Variants in FYCO1 observed in about 807,000 individuals in gnomAD.
FYCO1 encodes the protein FYVE and coiled-coil domain autophagy adaptor 1, also known as FYVE and coiled-coil domain-containing protein 1.
FYCO1 carries 122 observed loss-of-function variants against 165.1 expected under a neutral mutation model. The ratio of observed to expected loss-of-function variants is 0.74; its 90% CI spans 0.64 to 0.86. The LOEUF is 0.86. Among genes scored for constraint, FYCO1 ranks in the 40% least tolerant of loss-of-function variants. The pLI is 0.00. For synonymous variants in FYCO1, 648 were observed against 742.5 expected, an observed-to-expected ratio of 0.87 and a Z score of 2.07; for missense variants, 1,702 against 1,810.3, an observed-to-expected ratio of 0.94 and a Z score of 1.09.
rs747333799 is a variant in FYCO1 at position 45,936,468 on chromosome 3, C to T, written c.4020G>A (p.Leu1340=). The T allele has an allele frequency of 1.9e-6, 3 of 1,613,746 alleles. No individual in the cohort carries two copies. The highest frequency in any genetic ancestry group is 1.7e-6 in the Non-Finnish European group (2 of 1,179,606). The change falls in exon 15 of 18, where the codon CTG becomes CTA. Residue 1340 remains leucine (L), a synonymous_variant. Transcript: ENST00000296137. ...CTTACATCAGTTCTCCAGACTTCAG[C>T]AGGCAGATTTCCGAATCCTGCCCCA... ...MPVGQDSEIC[L]LKSGELMIKV...
intron 1 of FYCO1, among the ~76,000 whole-genome samples, chr3:45,989,989 T>C (rs1463433488): frequency 6.6e-6 from 1 of 152,138 alleles, no homozygotes; most frequent in Non-Finnish European, 1.5e-5. Context: ...AACAACTGCA[T>C]CAATAATTAA....
At chr3:45,994,266 A>C (rs1042997634) in intron 1 of FYCO1, among the ~76,000 whole-genome samples, 4 of 152,256 alleles carry the variant, frequency 2.6e-5, no homozygotes, top group East Asian at 3.9e-4. Context: ...GAGTATACGG[A>C]TATTCACCAT....
At chr3:45,955,803 T>C (rs149174755) in intron 13 of FYCO1, among the ~76,000 whole-genome samples, 9 of 152,256 alleles carry the variant, frequency 5.9e-5, no homozygotes, top group Non-Finnish European at 1.2e-4. Flanking sequence ...TTCATGTATT[T>C]TTGAAAGCAG....
At chr3:45,958,261 G>A in intron 13 of FYCO1, 147 bp downstream of exon 13, 1 of 685,670 alleles carries the variant, frequency 1.5e-6, no homozygotes, top group Non-Finnish European at 2.6e-6. Context: ...AAAGTCTCAA[G>A]TTGGTGGTAA....
intron 15 of FYCO1, among the ~76,000 whole-genome samples, chr3:45,934,880 T>C (rs1703812554): frequency 6.6e-6 from 1 of 152,196 alleles, no homozygotes; most frequent in Admixed American, 6.5e-5. Context: ...CACAGGCCCA[T>C]TGCATCAAAG....
In FYCO1 at chr3:45,921,743, T is replaced by G. The variant is rs1559436807; in HGVS notation, c.*22A>C. 5.3e-6 allele frequency: 8 copies of G among 1,501,614 alleles called. No individual in the cohort carries two copies. The highest frequency in any genetic ancestry group is 7.4e-6 in the Non-Finnish European group (8 of 1,077,230). The allele number at this position is 1,501,614 out of a possible 1,614,324, so 93.0% of individuals were successfully genotyped here. A position where few individuals can be genotyped will look rare whatever the true frequency, so the allele number is the denominator to read the frequency against. ...AGAGCAGTGTTTCCTGTGGATGAAG[T>G]GAAGTTACTGAGGTGCTGAAGCTAC... On this transcript the variant is annotated 3_prime_UTR_variant, in exon 18 of 18. Coordinates refer to ENST00000296137, the MANE Select transcript of FYCO1 (RefSeq NM_024513.4).
chr3:45,975,153 A>G (rs1281875678), intron 5 of FYCO1, 86 bp downstream of exon 5: 4 of 906,140 alleles, frequency 4.4e-6, no homozygotes, highest in Non-Finnish European at 7.5e-6. Flanking sequence ...AATGAGCACT[A>G]CTGTTGCAGC....
At position 45,973,142 on chromosome 3, in the gene FYCO1, A is replaced by G; in HGVS notation, c.485T>C (p.Phe162Ser). 1.2e-6 allele frequency: 2 copies of G among 1,614,228 alleles called. No individual in the cohort carries two copies. The highest frequency in any genetic ancestry group is 1.7e-6 in the Non-Finnish European group (2 of 1,180,036). The change falls in exon 6 of 18, where the codon TTT becomes TCT. Residue 162 changes from phenylalanine (F) to serine (S), a missense_variant. Coordinates refer to ENST00000296137, the MANE Select transcript of FYCO1 (RefSeq NM_024513.4). ...GTCAAAGCCCCTCGACGCCAGGTCA[A>G]ACTGAACCTCAGTCAGCTCATAGAG... Reference protein sequence around the residue: ...GQLYELTEVQFDLASRGFDLD... With the variant: ...GQLYELTEVQSDLASRGFDLD...
Position 45,993,066 on chromosome 3 carries a change from C to T in FYCO1, c.-113+2656G>A, listed in dbSNP as rs76190496. 6.6e-6 allele frequency among the ~76,000 whole-genome samples: 1 copy of T among 152,172 alleles called. No individual in the cohort carries two copies. The highest frequency in any genetic ancestry group is 1.5e-5 in the Non-Finnish European group (1 of 68,040). On this transcript the variant is annotated intron_variant, in intron 1 of 17. Coordinates refer to ENST00000296137, the MANE Select transcript of FYCO1 (RefSeq NM_024513.4). This position sits in a 1 kb window ranked among gnomAD's most constrained non-coding sequence, Gnocchi z 4.4. ...AGTTGGCCAGATCAGCCCTTGGGTC[C>T]CAGCCACAGGGCCACAATACTATAC...
chr3:45,964,699 G>C lies in FYCO1; in HGVS notation c.3151-245C>G, dbSNP rs1705897286. On this transcript the variant is annotated intron_variant, in intron 9 of 17. Coordinates refer to ENST00000296137, the MANE Select transcript of FYCO1 (RefSeq NM_024513.4). The surrounding 1 kb of genome is among the most constrained non-coding windows in gnomAD (Gnocchi z 4.1). ...CAGGGTAACACTGAAGGTAGGGGTG[G>C]CAGGGAGCAGGATTCACCTGAACAA... 1 of 262,394 alleles carries C rather than the reference G, an allele frequency of 3.8e-6. No individual in the cohort carries two copies. Among genetic ancestry groups the C allele is most frequent in the Non-Finnish European group, 5.9e-6 (1 of 168,722 alleles). 16.3% of individuals were successfully genotyped at this position (262,394 alleles called of 1,614,324 possible).
chr3:45,934,501 T>C (rs745951931), intron 15 of FYCO1, among the ~76,000 whole-genome samples: 2 of 152,240 alleles, frequency 1.3e-5, no homozygotes, highest in Non-Finnish European at 2.9e-5. Context: ...ATATTTCAAA[T>C]GCTGAAAGAA....
At chr3:45,947,630 C>T in intron 14 of FYCO1, 2 of 766,330 alleles carry the variant, frequency 2.6e-6, no homozygotes, top group Non-Finnish European at 4.3e-6. Context: ...TTATCAGACA[C>T]TCTGGCTGGT....
At chr3:45,984,029 G>A (rs1335402612) in intron 2 of FYCO1, among the ~76,000 whole-genome samples, 2 of 152,192 alleles carry the variant, frequency 1.3e-5, no homozygotes, top group African/African-American at 4.8e-5. Context: ...AGAAGCCTGG[G>A]CCTTTAGTCT....
chr3:45,955,655 T>TCTC, intron 13 of FYCO1, among the ~76,000 whole-genome samples: 1 of 152,334 alleles, frequency 6.6e-6, no homozygotes, highest in African/African-American at 2.4e-5. Context: ...GTCAGGGGCT[T>TCTC]AGAGAGGTTT....
intron 15 of FYCO1, among the ~76,000 whole-genome samples, chr3:45,934,975 C>G (rs1194228455): frequency 6.6e-6 from 1 of 152,228 alleles, no homozygotes; most frequent in East Asian, 1.9e-4. Flanking sequence ...CATACTCCCC[C>G]AGCATCAACA....
chr3:45,923,351 G>C (rs775613453), intron 17 of FYCO1, among the ~76,000 whole-genome samples: 1 of 152,218 alleles, frequency 6.6e-6, no homozygotes, highest in African/African-American at 2.4e-5. Flanking sequence ...AGGGCACCTT[G>C]GTTATGAAGA....
intron 14 of FYCO1, chr3:45,947,438 ATCT>A (rs766963974): frequency 3.7e-6 from 6 of 1,614,174 alleles, no homozygotes; most frequent in South Asian, 2.2e-5. Flanking sequence ...ATCAATGGAA[ATCT>A]TCTGAGGACA....
intron 16 of FYCO1, among the ~76,000 whole-genome samples, chr3:45,930,591 T>G (rs530806569): frequency 6.6e-6 from 1 of 152,306 alleles, no homozygotes; most frequent in Non-Finnish European, 1.5e-5. Context: ...ATTTATAAAC[T>G]GGTACCTGCC....
At chr3:45,927,263 C>T (rs1262362189) in intron 16 of FYCO1, among the ~76,000 whole-genome samples, 1 of 152,180 alleles carries the variant, frequency 6.6e-6, no homozygotes, top group African/African-American at 2.4e-5. Flanking sequence ...CGATTGGACA[C>T]CCTTGTTCTA....
Sources: allele counts gnomAD v4.1 joint callset (sites outside exome capture counted in the v4.1 genomes callset), GRCh38; gene constraint gnomAD v4.1.1; non-coding constraint Gnocchi (gnomAD v3.1); transcripts MANE v1.5; gene names NCBI Gene and HGNC (gene_info 2026-07-23, HGNC 2026-07-21).